The following CELF2 variants were observed in gnomAD, a reference collection of about 807,000 sequenced individuals.
CELF2 encodes the protein CUGBP Elav-like family member 2, also known as CUG triplet repeat RNA-binding protein 2.
CELF2 carries 8 observed loss-of-function variants against 62.6 expected under a neutral mutation model. That is an observed-to-expected ratio of 0.13 (90% CI 0.07 to 0.23). The LOEUF (loss-of-function observed/expected upper bound fraction) is 0.23, where lower values mean the gene tolerates loss of function less well. CELF2 is among the 10% of genes least tolerant of loss of function. The probability of loss-of-function intolerance (pLI) is 1.00; values close to 1 mark genes in which losing one functional copy is unlikely to be tolerated. For missense variants in CELF2, 333 were observed against 671.0 expected (o/e 0.50, Z 5.56); for synonymous variants, 258 against 250.0 (o/e 1.03, Z -0.30).
the CELF2 span, among the ~76,000 whole-genome samples, chr10:10,489,749 T>A: frequency 1.3e-5 from 2 of 151,752 alleles, no homozygotes; most frequent in Admixed American, 6.6e-5. Flanking sequence ...GTGTGGCCTA[T>A]CCTTAAAACA....
Position 11,251,336 on chromosome 10 carries a change from AC to A in CELF2, c.403+2138del, listed in dbSNP as rs140857682. Among the ~76,000 whole-genome samples, 797 of 127,362 alleles carry A rather than the reference AC, an allele frequency of 6.3e-3. 8 individuals carry two copies. The highest frequency in any genetic ancestry group is 0.024 in the African/African-American group (773 of 32,630). 83.6% of individuals were successfully genotyped at this position (127,362 alleles called of 152,430 possible). A position where few individuals can be genotyped will look rare whatever the true frequency, so the allele number is the denominator to read the frequency against. ...TGCAGGTATTCATTTGCCTCAGAGAACCCTTTCTACAGGCAGCTGCCAGGAG... is the reference window on the plus strand; with the variant it reads ...TGCAGGTATTCATTTGCCTCAGAGAACCTTTCTACAGGCAGCTGCCAGGAG... On this transcript the variant is annotated intron_variant, in intron 4 of 12. Coordinates refer to ENST00000633077, the MANE Select transcript of CELF2 (RefSeq NM_001326342.2).
the CELF2 span, among the ~76,000 whole-genome samples, chr10:10,779,470 C>A: frequency 2.6e-5 from 4 of 152,132 alleles, no homozygotes; most frequent in East Asian, 1.9e-4. Context: ...TGATTCTCCA[C>A]CCTTCCTTCT....
chr10:11,019,348 G>T (rs534809094), intron 1 of CELF2, among the ~76,000 whole-genome samples: 1 of 152,286 alleles, frequency 6.6e-6, no homozygotes, highest in East Asian at 1.9e-4. Context: ...GATTGGTATG[G>T]TAAGAGTGCG....
chr10:11,223,384 A>G lies in CELF2; in HGVS notation c.354+5877A>G, dbSNP rs1258634375. Among the ~76,000 whole-genome samples, 1 of 152,236 alleles carries G rather than the reference A, an allele frequency of 6.6e-6. No homozygotes were observed. The highest frequency in any genetic ancestry group is 2.4e-5 in the African/African-American group (1 of 41,458). ...GAACATACACGTATTCCACACATGT[A>G]TTCTGCTGCGGAATGTGTCAGTCAG... On this transcript the variant is annotated intron_variant, in intron 3 of 12. Transcript: ENST00000633077. This position sits in a 1 kb window ranked among gnomAD's most constrained non-coding sequence, Gnocchi z 5.1.
chr10:10,703,184 G>A, the CELF2 span, among the ~76,000 whole-genome samples: 3 of 152,142 alleles, frequency 2.0e-5, no homozygotes, highest in Admixed American at 6.5e-5. Context: ...TACCATGTGC[G>A]GGGAACTGTT....
At chr10:10,937,185 G>C (rs1204460879) in intron 2 of CELF2, among the ~76,000 whole-genome samples, 1 of 141,630 alleles carries the variant, frequency 7.1e-6, no homozygotes, top group Non-Finnish European at 1.5e-5. Flanking sequence ...GGAGCGCAGT[G>C]GTGCAATCTT....
the CELF2 span, among the ~76,000 whole-genome samples, chr10:10,467,502 A>G: frequency 6.6e-6 from 1 of 152,066 alleles, no homozygotes; most frequent in Non-Finnish European, 1.5e-5. Context: ...TTGGAAAAAG[A>G]TACTGTATAT....
In CELF2 at chr10:11,010,618, C is replaced by T. The variant is rs1271114477; in HGVS notation, c.53+5178C>T. Among the ~76,000 whole-genome samples the T allele has an allele frequency of 6.6e-6, 1 of 152,218 alleles. No homozygotes were observed. Among genetic ancestry groups the T allele is most frequent in the Non-Finnish European group, 1.5e-5 (1 of 68,024 alleles). ...ACTGAGCCCGAGAGAGGTAAAGTCA[C>T]AGGCCCATAGACACAGTGGGAGGAA... is the stretch of plus-strand genomic sequence containing the variant. On this transcript the variant is annotated intron_variant, in intron 1 of 12. Transcript: ENST00000416382. This position sits in a 1 kb window ranked among gnomAD's most constrained non-coding sequence, Gnocchi z 4.1.
Position 11,159,433 on chromosome 10 carries a change from A to G in CELF2, c.75-6053A>G, listed in dbSNP as rs781542069. Among the ~76,000 whole-genome samples the G allele has an allele frequency of 4.6e-5, 7 of 152,228 alleles. No individual in the cohort carries two copies. Among genetic ancestry groups the G allele is most frequent in the Non-Finnish European group, 1.0e-4 (7 of 68,034 alleles). Reference sequence around the variant, plus strand: ...CAGTGCATTTTAAAAGGGAGTTGCAATTCCCAGAGCTCTGGGTTGGATGAC... The same window carrying G: ...CAGTGCATTTTAAAAGGGAGTTGCAGTTCCCAGAGCTCTGGGTTGGATGAC... On this transcript the variant is annotated intron_variant, in intron 1 of 12. Coordinates refer to ENST00000633077, the MANE Select transcript of CELF2 (RefSeq NM_001326342.2). This position sits in a 1 kb window ranked among gnomAD's most constrained non-coding sequence, Gnocchi z 5.0.
chr10:10,746,988 T>C, the CELF2 span, among the ~76,000 whole-genome samples: 222 of 152,364 alleles, frequency 1.5e-3, 1 homozygote, highest in Non-Finnish European at 2.3e-3. Context: ...CTGGATGGTA[T>C]CTGAGAAAAG....
At chr10:10,777,029 A>G in the CELF2 span, among the ~76,000 whole-genome samples, 1 of 152,190 alleles carries the variant, frequency 6.6e-6, no homozygotes, top group Non-Finnish European at 1.5e-5. Context: ...CCATCTCTCC[A>G]GGTTTTCATT....
chr10:11,041,446 C>A (rs1012752080), intron 1 of CELF2, among the ~76,000 whole-genome samples: 1 of 152,152 alleles, frequency 6.6e-6, no homozygotes, highest in Non-Finnish European at 1.5e-5. Flanking sequence ...AACACACATG[C>A]CTCAGGATTT....
rs1263183386 is a variant in CELF2 at position 10,997,521 on chromosome 10, TAG to T, written c.89+77523_89+77524del. Among the ~76,000 whole-genome samples, 2 of 152,168 alleles carry T rather than the reference TAG, an allele frequency of 1.3e-5. No individual in the cohort carries two copies. ...TAGGATTCCCTAGAATCAAAACCAC[TAG>T]GAAAGGAAGATCCCCAAGTGCACCA... On this transcript the variant is annotated intron_variant, in intron 2 of 13. Transcript: ENST00000636488. This position sits in a 1 kb window ranked among gnomAD's most constrained non-coding sequence, Gnocchi z 5.3.
chr10:11,005,292 GA>G (rs2137115897), upstream of CELF2: 86 of 1,586,322 alleles, frequency 5.4e-5, no homozygotes, highest in South Asian at 2.0e-4. The surrounding 1 kb of genome is among the most constrained non-coding windows in gnomAD (Gnocchi z 4.3). Flanking sequence ...GAGAGAGAGA[GA>G]GGGAGGAGAG....
intron 1 of CELF2, among the ~76,000 whole-genome samples, chr10:11,072,115 A>G (rs2070239387): frequency 6.6e-6 from 1 of 152,184 alleles, no homozygotes; most frequent in African/African-American, 2.4e-5. Context: ...AAACAGAGGA[A>G]AGTTGATAGA....
At chr10:10,952,091 T>C (rs2048381493) in intron 2 of CELF2, 1 of 152,220 alleles carries the variant, frequency 6.6e-6, no homozygotes, top group Admixed American at 6.5e-5. Flanking sequence ...CCTGAGTCAT[T>C]GACTGAAGCC....
At position 10,890,521 on chromosome 10, in the gene CELF2, T is replaced by C. The variant is rs2062057121; in HGVS notation, c.54-29443T>C. On this transcript the variant is annotated intron_variant, in intron 1 of 13. Coordinates refer to the CELF2 transcript ENST00000636488. The stretch of plus-strand genomic sequence containing the variant: ...TTTACTGATTTTCCCCACAGTCTGA[T>C]GGACATGGATGAAATTTAGGGTTGT... Among the ~76,000 whole-genome samples the C allele has an allele frequency of 2.0e-5, 3 of 152,272 alleles. No homozygotes were observed. In the South Asian group the frequency reaches 6.2e-4, roughly 32 times the overall value.
chr10:10,666,027 T>C, the CELF2 span, among the ~76,000 whole-genome samples: 1 of 152,226 alleles, frequency 6.6e-6, no homozygotes, highest in Admixed American at 6.5e-5. Flanking sequence ...TCTCACCGCT[T>C]GCAAAGCAGA....
intron 1 of CELF2, among the ~76,000 whole-genome samples, chr10:10,861,794 T>C (rs1421533116): frequency 6.6e-6 from 1 of 152,252 alleles, no homozygotes; most frequent in Non-Finnish European, 1.5e-5. Context: ...ATAAAAATTA[T>C]TCATGTCCTT....
Sources: gnomAD v4.1 joint callset for allele counts (sites outside exome capture counted in the v4.1 genomes callset) on GRCh38, gnomAD v4.1.1 for gene constraint, Gnocchi (gnomAD v3.1) non-coding constraint, MANE v1.5 for transcripts, NCBI Gene and HGNC (gene_info 2026-07-23, HGNC 2026-07-21) for gene names.